Variants in GARIN1A observed in about 807,000 individuals in gnomAD.
The protein encoded by GARIN1A is Golgi-associated RAB2 interactor protein 1A.
chr7:128,692,652 G>A, the GARIN1A span, among the ~76,000 whole-genome samples: 4 of 152,178 alleles, frequency 2.6e-5, no homozygotes, highest in African/African-American at 9.7e-5. Flanking sequence ...CACCCAAATG[G>A]ACCCTCTTAA....
the GARIN1A span, chr7:128,683,212 T>C: frequency 7.3e-7 from 1 of 1,365,724 alleles, no homozygotes; most frequent in Non-Finnish European, 1.0e-6. Flanking sequence ...TACCACCTCT[T>C]ATAATGCTCC....
chr7:128,702,808 C>CT, the GARIN1A span, among the ~76,000 whole-genome samples: 1 of 152,104 alleles, frequency 6.6e-6, no homozygotes, highest in Admixed American at 6.6e-5. Context: ...TACAAGAAAT[C>CT]TTTTTTAAAA....
chr7:128,707,530 C>G, the GARIN1A span, among the ~76,000 whole-genome samples: 27,124 of 151,984 alleles, frequency 0.18, 2,818 homozygotes, highest in African/African-American at 0.28. Context: ...AGTGTGGCAC[C>G]ATCATGGCTC....
chr7:128,697,750 G>C, the GARIN1A span: 1 of 161,568 alleles, frequency 6.2e-6, no homozygotes, highest in East Asian at 1.8e-4. Flanking sequence ...CTAAGATGTG[G>C]CCGCATTTAG....
At chr7:128,678,547 T>G in the GARIN1A span, among the ~76,000 whole-genome samples, 1 of 152,276 alleles carries the variant, frequency 6.6e-6, no homozygotes, top group East Asian at 1.9e-4. Flanking sequence ...CTCACGCCTG[T>G]AATCCTAACA....
At chr7:128,672,586 GT>G in the GARIN1A span, 7 of 1,325,272 alleles carry the variant, frequency 5.3e-6, no homozygotes, top group South Asian at 1.2e-5. Flanking sequence ...CTGTCTTTCT[GT>G]TTCCAAAACC....
chr7:128,704,983 AAGG>A, the GARIN1A span, among the ~76,000 whole-genome samples: 1 of 152,238 alleles, frequency 6.6e-6, no homozygotes, highest in Admixed American at 6.5e-5. Flanking sequence ...CTGTCAGAGG[AAGG>A]AGTTCAAAAT....
chr7:128,701,423 GGGGAAGGGGA>G, the GARIN1A span, among the ~76,000 whole-genome samples: 4 of 21,028 alleles, frequency 1.9e-4, no homozygotes, highest in African/African-American at 6.3e-4. Flanking sequence ...GGGGAGGAGA[GGGGAAGGGGA>G]GGGGAGGGGA....
At chr7:128,686,103 C>G in the GARIN1A span, 6 of 152,196 alleles carry the variant, frequency 3.9e-5, no homozygotes, top group Admixed American at 1.3e-4. Flanking sequence ...GTCCCAGCTA[C>G]TCGGGAGGCT....
the GARIN1A span, among the ~76,000 whole-genome samples, chr7:128,675,248 A>C: frequency 3.9e-5 from 6 of 152,066 alleles, no homozygotes; most frequent in Non-Finnish European, 7.4e-5. Flanking sequence ...CCCTCAACTC[A>C]AGCTGTCTGG....
the GARIN1A span, among the ~76,000 whole-genome samples, chr7:128,671,861 C>G: frequency 1.3e-5 from 2 of 151,680 alleles, no homozygotes; most frequent in Non-Finnish European, 2.9e-5. Context: ...AAAAAATCTC[C>G]TTTTCTCCCA....
At chr7:128,706,760 C>T in the GARIN1A span, among the ~76,000 whole-genome samples, 2 of 152,188 alleles carry the variant, frequency 1.3e-5, no homozygotes, top group Non-Finnish European at 2.9e-5. Flanking sequence ...TCTGATCTGC[C>T]TCATCCTTCA....
chr7:128,675,937 C>A, the GARIN1A span: 2 of 1,070,136 alleles, frequency 1.9e-6, no homozygotes, highest in South Asian at 1.4e-5. Context: ...GATTTTAGAT[C>A]AAAAGAAAAG....
chr7:128,688,847 C>T, the GARIN1A span, among the ~76,000 whole-genome samples: 5 of 141,630 alleles, frequency 3.5e-5, no homozygotes, highest in African/African-American at 1.1e-4. Context: ...CCCTCTGATG[C>T]CGAGCCGAAG....
chr7:128,708,017 GTTTTC>G, the GARIN1A span, among the ~76,000 whole-genome samples: 5 of 110,540 alleles, frequency 4.5e-5, no homozygotes, highest in Non-Finnish European at 7.3e-5. Context: ...CTTTTCTTTT[GTTTTC>G]TTTTATTTCC....
chr7:128,681,703 A>C, the GARIN1A span, among the ~76,000 whole-genome samples: 1 of 151,592 alleles, frequency 6.6e-6, no homozygotes, highest in Non-Finnish European at 1.5e-5. Context: ...AGGTCTTGCT[A>C]TGTTGCCCAG....
At chr7:128,704,177 T>C in the GARIN1A span, among the ~76,000 whole-genome samples, 1 of 121,300 alleles carries the variant, frequency 8.2e-6, no homozygotes, top group African/African-American at 3.2e-5. Context: ...CCAACCTTTT[T>C]GGCACCAGGA....
chr7:128,680,170 G>T, the GARIN1A span: 1 of 1,421,228 alleles, frequency 7.0e-7, no homozygotes. Context: ...TGTGGGGTCA[G>T]CTCCAGATCC....
At chr7:128,679,667 G>A in the GARIN1A span, among the ~76,000 whole-genome samples, 1 of 152,142 alleles carries the variant, frequency 6.6e-6, no homozygotes, top group Non-Finnish European at 1.5e-5. Flanking sequence ...AGATTGGACT[G>A]TTCAAAACCT....
Sources: gnomAD v4.1 joint callset for allele counts (sites outside exome capture counted in the v4.1 genomes callset) on GRCh38, gnomAD v4.1.1 for gene constraint, MANE v1.5 for transcripts, NCBI Gene and HGNC (gene_info 2026-07-23, HGNC 2026-07-21) for gene names.